SOD2: variants seen among roughly 807,000 people sequenced by gnomAD.
SOD2 encodes the protein superoxide dismutase [Mn], mitochondrial.
A neutral mutation model predicts 27.0 loss-of-function variants in SOD2; 11 were observed. The ratio of observed to expected loss-of-function variants is 0.41; its 90% CI spans 0.26 to 0.67. SOD2 has a LOEUF of 0.67. Ranked by LOEUF, SOD2 falls within the 30% of genes least tolerant of loss-of-function variation. The pLI, the probability that SOD2 is intolerant of heterozygous loss-of-function variation, is 0.34. For synonymous variants in SOD2, 105 were observed against 103.0 expected (o/e 1.02, Z -0.12); for missense variants, 250 against 274.5 (o/e 0.91, Z 0.63).
chr6:159,718,120 G>A (rs1777958628), intron 1 of SOD2, among the ~76,000 whole-genome samples: 1 of 152,044 alleles, frequency 6.6e-6, no homozygotes, highest in Admixed American at 6.6e-5. Context: ...AGCCTCCCAA[G>A]TAGCTGGGAC....
intron 4 of SOD2, among the ~76,000 whole-genome samples, chr6:159,684,193 A>C (rs1363130167): frequency 6.6e-6 from 1 of 152,148 alleles, no homozygotes; most frequent in Admixed American, 6.5e-5. Flanking sequence ...GTAACAGTAC[A>C]AGCTCTGAAA....
At chr6:159,714,394 T>C (rs1269262634) in intron 1 of SOD2, among the ~76,000 whole-genome samples, 1 of 152,148 alleles carries the variant, frequency 6.6e-6, no homozygotes, top group Non-Finnish European at 1.5e-5. Flanking sequence ...AAGCCTAGCT[T>C]CCATCGGGAA....
intron 1 of SOD2, chr6:159,727,046 A>C (rs960599445): frequency 8.2e-7 from 1 of 1,222,286 alleles, no homozygotes; most frequent in African/African-American, 1.6e-5. Context: ...CCCGGCGAGT[A>C]CTTCCACCTT....
At chr6:159,761,866 C>CCGACCCG (rs1554266856) in exon 1 of SOD2, 2 of 262,750 alleles carry the variant, frequency 7.6e-6, no homozygotes, top group Non-Finnish European at 1.4e-5. Context: ...GGCCTCACTT[C>CCGACCCG]CGCCCCGCGC....
chr6:159,695,291 T>C (rs1777401345), upstream of SOD2, among the ~76,000 whole-genome samples: 1 of 152,102 alleles, frequency 6.6e-6, no homozygotes, highest in South Asian at 2.1e-4. Context: ...AGTGATACTT[T>C]GAGAGTTTAA....
At chr6:159,731,956 TGGA>T (rs1778598000), upstream of SOD2, among the ~76,000 whole-genome samples, 1 of 151,496 alleles carries the variant, frequency 6.6e-6, no homozygotes, top group Non-Finnish European at 1.5e-5. Context: ...AATAAGAATA[TGGA>T]TACCTGTCTT....
chr6:159,761,464 G>C, exon 1 of SOD2: 2 of 444,314 alleles, frequency 4.5e-6, no homozygotes, highest in Non-Finnish European at 9.0e-6. Context: ...CAGGGGGCTC[G>C]CACCGAGACG....
rs1779636564 is a variant in SOD2, at chr6:159,670,715, T to C, written c.*11778A>G. ...ACTTCCAACTGAGGTACCAGGTTCA[T>C]CTCACTGGGGCTTGTTGGACAGTGG... On this transcript the variant is annotated 3_prime_UTR_variant, in exon 5 of 5. Coordinates refer to ENST00000538183, the MANE Select transcript of SOD2 (RefSeq NM_000636.4). 6.5e-6 allele frequency: 1 copy of C among 152,888 alleles called. No homozygotes were observed. Among genetic ancestry groups the C allele is most frequent in the African/African-American group, 2.4e-5 (1 of 41,448 alleles). 9.5% of individuals were successfully genotyped at this position (152,888 alleles called of 1,614,324 possible). A position where few individuals can be genotyped will look rare whatever the true frequency, so the allele number is the denominator to read the frequency against.
intron 1 of SOD2, among the ~76,000 whole-genome samples, chr6:159,708,413 C>T (rs538172010): frequency 6.6e-5 from 10 of 152,330 alleles, no homozygotes; most frequent in East Asian, 1.9e-4. Context: ...TAAGCAACTT[C>T]GGCAAAGTCT....
intron 2 of SOD2, among the ~76,000 whole-genome samples, chr6:159,689,015 G>T (rs183491728): frequency 2.0e-5 from 3 of 152,312 alleles, no homozygotes; most frequent in Non-Finnish European, 4.4e-5. Context: ...CAGTTTTGGG[G>T]GGTGGGGGTG....
At chr6:159,720,645 A>G (rs1778017608) in intron 1 of SOD2, 1 of 152,182 alleles carries the variant, frequency 6.6e-6, no homozygotes, top group South Asian at 2.1e-4. Flanking sequence ...CAGCTGCTCA[A>G]TAACTATTTA....
intron 1 of SOD2, among the ~76,000 whole-genome samples, chr6:159,737,816 G>A (rs1779013216): frequency 6.6e-6 from 1 of 152,156 alleles, no homozygotes; most frequent in South Asian, 2.1e-4. Flanking sequence ...AGGTAGGAGA[G>A]GTATCTCACC....
intron 1 of SOD2, among the ~76,000 whole-genome samples, chr6:159,719,823 AAG>A (rs1039772748): frequency 7.3e-5 from 11 of 150,958 alleles, no homozygotes; most frequent in Admixed American, 2.0e-4. Context: ...TCCCGGGTTC[AAG>A]AGAGTCTCCT....
At chr6:159,727,207 C>T in exon 1 of SOD2, 4 of 1,246,872 alleles carry the variant, frequency 3.2e-6, no homozygotes, top group Non-Finnish European at 4.1e-6. Context: ...CGGGGAGCAG[C>T]TGCTCCATTG....
At chr6:159,733,903 C>T (rs937152623) in intron 1 of SOD2, among the ~76,000 whole-genome samples, 10 of 152,064 alleles carry the variant, frequency 6.6e-5, no homozygotes, top group Non-Finnish European at 1.2e-4. Context: ...GCAACAAGAG[C>T]GAAACTCCAT....
At chr6:159,733,251 A>G (rs1778698624) in intron 1 of SOD2, among the ~76,000 whole-genome samples, 1 of 152,230 alleles carries the variant, frequency 6.6e-6, no homozygotes, top group South Asian at 2.1e-4. Context: ...GCTCAGTGAA[A>G]CAGACTGTAT....
At chr6:159,753,293 G>A in intron 1 of SOD2, 1 of 1,014,266 alleles carries the variant, frequency 9.9e-7, no homozygotes, top group Non-Finnish European at 1.4e-6. Context: ...GCAAAATACT[G>A]AAATGCAGAA....
At chr6:159,712,523 T>C (rs1419176440) in intron 1 of SOD2, among the ~76,000 whole-genome samples, 14 of 123,318 alleles carry the variant, frequency 1.1e-4, no homozygotes, top group African/African-American at 4.0e-4. Context: ...TAACCACCAC[T>C]CACACTGCTC....
upstream of SOD2, chr6:159,727,553 G>C (rs1048257210): frequency 3.0e-6 from 3 of 989,304 alleles, no homozygotes; most frequent in African/African-American, 5.2e-5. Flanking sequence ...ATAAAGGGGA[G>C]CGCAGGGGTT....
Sources: allele counts gnomAD v4.1 joint callset (sites outside exome capture counted in the v4.1 genomes callset), GRCh38; gene constraint gnomAD v4.1.1; transcripts MANE v1.5; gene names NCBI Gene and HGNC (gene_info 2026-07-23, HGNC 2026-07-21).